The following PCDHGA6 variants were observed in gnomAD, a reference collection of about 807,000 sequenced individuals.
The protein encoded by PCDHGA6 is protocadherin gamma subfamily A, 6, also known as protocadherin gamma-A6.
PCDHGA6 carries 41 observed loss-of-function variants against 60.6 expected under a neutral mutation model. The observed-to-expected ratio is 0.68, with a 90% CI of 0.53 to 0.88. The LOEUF (loss-of-function observed/expected upper bound fraction) is 0.88, where lower values mean the gene tolerates loss of function less well. Ranked by LOEUF, PCDHGA6 falls within the 40% of genes least tolerant of loss-of-function variation. The probability of loss-of-function intolerance (pLI) is 0.00; values close to 1 mark genes in which losing one functional copy is unlikely to be tolerated. For missense variants in PCDHGA6, 1,312 were observed against 1,203.0 expected, an observed-to-expected ratio of 1.09 and a Z score of -1.34; for synonymous variants, 594 against 524.4, an observed-to-expected ratio of 1.13 and a Z score of -1.81.
chr5:141,492,122 C>G (rs2154587050), intron 1 of PCDHGA6, among the ~76,000 whole-genome samples: 1 of 152,328 alleles, frequency 6.6e-6, no homozygotes, highest in Admixed American at 6.5e-5. Context: ...GATTTCTCCC[C>G]AGCTCCCAGC....
Position 141,490,575 on chromosome 5 carries a change from A to G in PCDHGA6, c.2425-4232A>G. 2 of 1,614,140 alleles carry G rather than the reference A, an allele frequency of 1.2e-6. No individual in the cohort carries two copies. The highest frequency in any genetic ancestry group is 2.2e-5 in the East Asian group (1 of 44,876). Reference sequence around the variant, plus strand: ...ATCTCACCATCAGGCTCAACATTTCAGATGTCAATGACAATGCACCCCGCT... The same window carrying G: ...ATCTCACCATCAGGCTCAACATTTCGGATGTCAATGACAATGCACCCCGCT... On this transcript the variant is annotated intron_variant, in intron 1 of 3. Transcript: ENST00000517434. This position sits in a 1 kb window ranked among gnomAD's most constrained non-coding sequence, Gnocchi z 5.4.
chr5:141,414,466 G>A, intron 1 of PCDHGA6: 1 of 1,613,872 alleles, frequency 6.2e-7, no homozygotes, highest in Non-Finnish European at 8.5e-7. Flanking sequence ...AGCCACAGAT[G>A]GGGGAAGTCC....
At chr5:141,388,018 C>A (rs528825785) in intron 1 of PCDHGA6, 2 of 1,460,562 alleles carry the variant, frequency 1.4e-6, no homozygotes, top group African/African-American at 2.9e-5. Flanking sequence ...CCCAAGGGCT[C>A]CGTAGTGGGG....
intron 1 of PCDHGA6, chr5:141,422,603 C>G: frequency 6.2e-7 from 1 of 1,614,078 alleles, no homozygotes; most frequent in Non-Finnish European, 8.5e-7. Context: ...TCCTCTTACT[C>G]TGCCTACATT....
intron 1 of PCDHGA6, among the ~76,000 whole-genome samples, chr5:141,402,192 CTT>C (rs1205831935): frequency 6.6e-6 from 1 of 152,006 alleles, no homozygotes; most frequent in Non-Finnish European, 1.5e-5. Flanking sequence ...ATTAATATTA[CTT>C]TTATAATACA....
Position 141,477,365 on chromosome 5 carries a change from C to T in PCDHGA6, c.2425-17442C>T, listed in dbSNP as rs754438240. On this transcript the variant is annotated intron_variant, in intron 1 of 3. Transcript: ENST00000517434. The surrounding 1 kb of genome is among the most constrained non-coding windows in gnomAD (Gnocchi z 4.9). ...TTTGAAAACCAGTGCAGACCTGGAT[C>T]GGGAGACTGTGCCAGAATACAACCT... The T allele has an allele frequency of 6.2e-7, 1 of 1,614,156 alleles. No homozygotes were observed. The highest frequency in any genetic ancestry group is 1.7e-5 in the Admixed American group (1 of 60,022).
chr5:141,428,395 G>A, intron 1 of PCDHGA6: 1 of 488,280 alleles, frequency 2.0e-6, no homozygotes, highest in Non-Finnish European at 3.8e-6. Flanking sequence ...CAGCCCCTCT[G>A]CCTGGGGTTG....
In PCDHGA6 at chr5:141,409,573, C is replaced by A. The variant is rs562811168; in HGVS notation, c.2424+33066C>A. 7 of 1,613,816 alleles carry A rather than the reference C, an allele frequency of 4.3e-6. No individual in the cohort carries two copies. In the Admixed American group the frequency reaches 1.2e-4, roughly 27 times the overall value. ...CCCCAGTTTTCGACCAGACGTCCTA[C>A]GTGGTCCACGTGGCCGAGAACAACC... On this transcript the variant is annotated intron_variant, in intron 1 of 3. Transcript: ENST00000517434.
chr5:141,511,304 CTTGGGAAA>C lies in PCDHGA6; in HGVS notation c.*132_*139del. ...TGGTAGGGGCCAAGGCCATGCTCCC[CTTGGGAAA>C]CAGAAACAAGTGCCCAGTCAGCACC... is the stretch of plus-strand genomic sequence containing the variant. On this transcript the variant is annotated 3_prime_UTR_variant, in exon 4 of 4. Transcript: ENST00000517434. The C allele has an allele frequency of 2.0e-6, 3 of 1,490,438 alleles. No individual in the cohort carries two copies. The South Asian group carries it at 4.0e-5, about 20-fold the overall frequency. 92.3% of individuals were successfully genotyped at this position (1,490,438 alleles called of 1,614,324 possible). A position where few individuals can be genotyped will look rare whatever the true frequency, so the allele number is the denominator to read the frequency against.
At chr5:141,482,768 CTGA>C (rs2099572195) in intron 1 of PCDHGA6, among the ~76,000 whole-genome samples, 1 of 126,868 alleles carries the variant, frequency 7.9e-6, no homozygotes, top group Admixed American at 7.7e-5. Flanking sequence ...TTCATTATCA[CTGA>C]ACCTTAAACT....
chr5:141,511,010 A>G lies in PCDHGA6; in HGVS notation c.2636A>G (p.Tyr879Cys), dbSNP rs1286219897. 6.2e-6 allele frequency: 10 copies of G among 1,614,054 alleles called. No homozygotes were observed. Among genetic ancestry groups the G allele is most frequent in the African/African-American group, 1.3e-5 (1 of 74,916 alleles). Residue 879 changes from tyrosine to cysteine, a missense_variant, in exon 4 of 4, where the codon TAC becomes TGC. By Grantham distance (194) the Tyr-to-Cys change is radical (BLOSUM62 -2). Coordinates refer to ENST00000517434, the MANE Select transcript of PCDHGA6 (RefSeq NM_018919.3). ...GGCACCATGGGATTGAGCGCCCGCT[A>G]CGGACCCCAGTTCACCCTGCAGCAC... Reference protein sequence around the residue: ...GAGTMGLSARYGPQFTLQHVP... With the variant: ...GAGTMGLSARCGPQFTLQHVP...
In PCDHGA6 at chr5:141,398,254, A is replaced by G. The variant is rs868152545; in HGVS notation, c.2424+21747A>G. 5.5e-6 allele frequency: 8 copies of G among 1,465,970 alleles called. No homozygotes were observed. In the African/African-American group the frequency reaches 8.6e-5, roughly 16 times the overall value. The allele number at this position is 1,465,970 out of a possible 1,614,324, so 90.8% of individuals were successfully genotyped here. On this transcript the variant is annotated intron_variant, in intron 1 of 3. Transcript: ENST00000517434. ...CTACAGGATTCCCGAGGAAATGCCC[A>G]AGGGCTCCGTAGTGGGGAACCTCGC... is the stretch of plus-strand genomic sequence containing the variant.
chr5:141,421,312 GC>G, intron 1 of PCDHGA6: 1 of 1,613,748 alleles, frequency 6.2e-7, no homozygotes, highest in Non-Finnish European at 8.5e-7. Flanking sequence ...GGGGTTCCGG[GC>G]CAGGCAGATC....
rs1330257915 is a variant in PCDHGA6 at position 141,486,153 on chromosome 5, C to T, written c.2425-8654C>T. Reference sequence around the variant, plus strand: ...GATGTGCGGGCTCGCGATGGGGGTTCTCCAGCCATGGAGCAACATTGCAGC... The same window carrying T: ...GATGTGCGGGCTCGCGATGGGGGTTTTCCAGCCATGGAGCAACATTGCAGC... On this transcript the variant is annotated intron_variant, in intron 1 of 3. Transcript: ENST00000517434. This position sits in a 1 kb window ranked among gnomAD's most constrained non-coding sequence, Gnocchi z 5.0. 1 of 1,614,084 alleles carries T rather than the reference C, an allele frequency of 6.2e-7. No homozygotes were observed. Among genetic ancestry groups the T allele is most frequent in the Non-Finnish European group, 8.5e-7 (1 of 1,180,036 alleles).
chr5:141,431,571 A>T lies in PCDHGA6; in HGVS notation c.2424+55064A>T, dbSNP rs781289120. 1.2e-6 allele frequency: 2 copies of T among 1,614,026 alleles called. No homozygotes were observed. Among genetic ancestry groups the T allele is most frequent in the African/African-American group, 1.3e-5 (1 of 74,938 alleles). On this transcript the variant is annotated intron_variant, in intron 1 of 3. Coordinates refer to ENST00000517434, the MANE Select transcript of PCDHGA6 (RefSeq NM_018919.3). This position sits in a 1 kb window ranked among gnomAD's most constrained non-coding sequence, Gnocchi z 4.8. ...GTAGTCAACGCTACCGACCCTGACG[A>T]AGGAGTCAATGCGGAAGTGAGGTAT...
intron 1 of PCDHGA6, among the ~76,000 whole-genome samples, chr5:141,482,356 G>A (rs1330274684): frequency 6.6e-6 from 1 of 152,118 alleles, no homozygotes; most frequent in Non-Finnish European, 1.5e-5. Flanking sequence ...TGTTGTGAGA[G>A]TGAAAAGTAA....
chr5:141,494,528 G>A lies in PCDHGA6; in HGVS notation c.2425-279G>A, dbSNP rs189993899. On this transcript the variant is annotated intron_variant, in intron 1 of 3. Coordinates refer to ENST00000517434, the MANE Select transcript of PCDHGA6 (RefSeq NM_018919.3). ...ATTTTGGCTCAGGAGTTCTGACTCTGGGGGCAGGGAGGAAGGGGCCATTTC... is the reference window on the plus strand; with the variant it reads ...ATTTTGGCTCAGGAGTTCTGACTCTAGGGGCAGGGAGGAAGGGGCCATTTC... 3.0e-4 allele frequency among the ~76,000 whole-genome samples: 45 copies of A among 152,274 alleles called. 1 individual carries two copies. Among genetic ancestry groups the A allele is most frequent in the African/African-American group, 1.0e-3 (42 of 41,542 alleles).
chr5:141,486,282 C>T lies in PCDHGA6; in HGVS notation c.2425-8525C>T. ...AGTGCAGAACCTGGCACTGTGGTGGCACTTATCAGTGTGCAGGATCCAGAC... is the reference window on the plus strand; with the variant it reads ...AGTGCAGAACCTGGCACTGTGGTGGTACTTATCAGTGTGCAGGATCCAGAC... On this transcript the variant is annotated intron_variant, in intron 1 of 3. Transcript: ENST00000517434. This position sits in a 1 kb window ranked among gnomAD's most constrained non-coding sequence, Gnocchi z 5.0. 6.2e-7 allele frequency: 1 copy of T among 1,614,052 alleles called. No homozygotes were observed. Among genetic ancestry groups the T allele is most frequent in the Non-Finnish European group, 8.5e-7 (1 of 1,179,992 alleles).
At position 141,444,152 on chromosome 5, in the gene PCDHGA6, A is replaced by ATT. The variant is rs747671382; in HGVS notation, c.2425-50620_2425-50619dup. ...GATATGTGTCACTTGTGTGTACTGG[A>ATT]TTTTTTTTTTTTTTTTTTTTTTTTT... On this transcript the variant is annotated intron_variant, in intron 1 of 3. Coordinates refer to ENST00000517434, the MANE Select transcript of PCDHGA6 (RefSeq NM_018919.3). Among the ~76,000 whole-genome samples, 286 of 33,894 alleles carry ATT rather than the reference A, an allele frequency of 8.4e-3. 107 individuals carry two copies. The highest frequency in any genetic ancestry group is 0.011 in the African/African-American group (76 of 7,180). The allele number at this position is 33,894 out of a possible 152,430, so 22.2% of individuals were successfully genotyped here. A position where few individuals can be genotyped will look rare whatever the true frequency, so the allele number is the denominator to read the frequency against.
Sources: gnomAD v4.1 joint callset for allele counts (sites outside exome capture counted in the v4.1 genomes callset) on GRCh38, gnomAD v4.1.1 for gene constraint, Gnocchi (gnomAD v3.1) non-coding constraint, MANE v1.5 for transcripts, NCBI Gene and HGNC (gene_info 2026-07-23, HGNC 2026-07-21) for gene names.